The following DYRK1A variants were observed in gnomAD, a reference collection of about 807,000 sequenced individuals.
The protein encoded by DYRK1A is dual specificity tyrosine-phosphorylation-regulated kinase 1A.
DYRK1A carries 9 observed loss-of-function variants against 79.7 expected under a neutral mutation model. The ratio of observed to expected loss-of-function variants is 0.11; its 90% CI spans 0.07 to 0.20. The LOEUF is 0.20. Among genes scored for constraint, DYRK1A ranks in the 10% least tolerant of loss-of-function variants. The probability of loss-of-function intolerance (pLI) is 1.00; values close to 1 mark genes in which losing one functional copy is unlikely to be tolerated. For synonymous variants in DYRK1A, 349 were observed against 329.7 expected (o/e 1.06, Z -0.63); for missense variants, 622 against 956.0 (o/e 0.65, Z 4.61).
chr21:37,467,219 G>T (rs1423451740), intron 2 of DYRK1A, among the ~76,000 whole-genome samples: 1 of 151,970 alleles, frequency 6.6e-6, no homozygotes, highest in Non-Finnish European at 1.5e-5. Flanking sequence ...TGACCAAATC[G>T]CATTCCAGAA....
At chr21:37,417,541 T>TC (rs1276274993) in intron 1 of DYRK1A, among the ~76,000 whole-genome samples, 1 of 57,132 alleles carries the variant, frequency 1.8e-5, no homozygotes, top group East Asian at 4.3e-4. Flanking sequence ...TTTTTTTTTT[T>TC]TTTTTTTTTT....
intron 8 of DYRK1A, among the ~76,000 whole-genome samples, chr21:37,494,821 G>A (rs1030110071): frequency 2.6e-5 from 4 of 151,762 alleles, no homozygotes; most frequent in Admixed American, 2.6e-4. Context: ...GGTGTTGCGT[G>A]CCTGTAATCC....
chr21:37,394,336 T>A (rs1459292655), intron 1 of DYRK1A, among the ~76,000 whole-genome samples: 1 of 152,098 alleles, frequency 6.6e-6, no homozygotes, highest in Non-Finnish European at 1.5e-5. Context: ...TTTCTAACTT[T>A]TGCTATAACT....
rs1569409404 is a variant in DYRK1A, at chr21:37,513,561, ACTTC to A, written c.*1034_*1037del. 6.6e-6 allele frequency: 1 copy of A among 152,624 alleles called. No individual in the cohort carries two copies. Among genetic ancestry groups the A allele is most frequent in the Non-Finnish European group, 1.5e-5 (1 of 68,030 alleles). 9.5% of individuals were successfully genotyped at this position (152,624 alleles called of 1,614,324 possible). Reference sequence around the variant, plus strand: ...TCACTTTGCGTGTGTCATAAAGTTGACTTCCTTATTGGTTGAAGGTCACAGAAGT... The same window carrying A: ...TCACTTTGCGTGTGTCATAAAGTTGACTTATTGGTTGAAGGTCACAGAAGT... On this transcript the variant is annotated 3_prime_UTR_variant, in exon 12 of 12. Coordinates refer to ENST00000647188, the MANE Select transcript of DYRK1A (RefSeq NM_001347721.2).
At chr21:37,390,367 G>A (rs1315712102) in intron 1 of DYRK1A, among the ~76,000 whole-genome samples, 1 of 152,070 alleles carries the variant, frequency 6.6e-6, no homozygotes, top group African/African-American at 2.4e-5. Flanking sequence ...TCCATTATTT[G>A]AAAACTGTAG....
At chr21:37,466,804 A>T (rs572186335) in intron 2 of DYRK1A, among the ~76,000 whole-genome samples, 16 of 151,346 alleles carry the variant, frequency 1.1e-4, no homozygotes, top group African/African-American at 2.7e-4. Context: ...ACCAAAATTT[A>T]AAAAAAAATA....
At position 37,482,791 on chromosome 21, in the gene DYRK1A, T is replaced by C. The variant is rs1009492609; in HGVS notation, c.489+1965T>C. 9.7e-4 allele frequency among the ~76,000 whole-genome samples: 148 copies of C among 152,314 alleles called. 2 individuals carry two copies. Among genetic ancestry groups the C allele is most frequent in the South Asian group, 8.3e-4 (4 of 4,830 alleles). ...ACCCAAGGGGGCCATTTCAGAGACCTACCCTCAGGGGCTCATTCTCTTTCT... is the reference window on the plus strand; with the variant it reads ...ACCCAAGGGGGCCATTTCAGAGACCCACCCTCAGGGGCTCATTCTCTTTCT... On this transcript the variant is annotated intron_variant, in intron 5 of 11. Coordinates refer to ENST00000647188, the MANE Select transcript of DYRK1A (RefSeq NM_001347721.2).
At position 37,515,135 on chromosome 21, in the gene DYRK1A, C is replaced by CA. The variant is rs549353361; in HGVS notation, c.*2605dup. On this transcript the variant is annotated 3_prime_UTR_variant, in exon 12 of 12. Transcript: ENST00000647188. ...AAAGAACCCCCCTTTGTATTATAGT[C>CA]ATGCGGTCTTATGTATGATAAACAG... 1.2e-3 allele frequency: 181 copies of CA among 152,730 alleles called. 2 individuals are homozygous for CA. The highest frequency in any genetic ancestry group is 5.0e-3 in the South Asian group (24 of 4,822). 9.5% of individuals were successfully genotyped at this position (152,730 alleles called of 1,614,324 possible).
chr21:37,435,419 A>G (rs1022451261), intron 2 of DYRK1A, among the ~76,000 whole-genome samples: 12 of 152,138 alleles, frequency 7.9e-5, no homozygotes, highest in Admixed American at 2.6e-4. Context: ...GCGTTTAATG[A>G]TCTGCAGCAG....
At position 37,512,168 on chromosome 21, in the gene DYRK1A, A is replaced by G. The variant is rs769032880; in HGVS notation, c.1902A>G (p.Gln634=). Residue 634 remains glutamine (Q), a synonymous_variant, in exon 12 of 12, where the codon CAA becomes CAG. Transcript: ENST00000647188. ...CTCCAACGAATAGCTCCTCTACCCA[A>G]GATTCTATGGAGGTTGGCCACAGTC... ...YNSPTNSSST[Q]DSMEVGHSHH... 1.9e-6 allele frequency: 3 copies of G among 1,614,184 alleles called. No individual in the cohort carries two copies. The highest frequency in any genetic ancestry group is 1.1e-5 in the South Asian group (1 of 91,080).
At chr21:37,417,529 C>CTTTTTCTTTTTCTTTTTTT (rs1555959239) in intron 1 of DYRK1A, among the ~76,000 whole-genome samples, 1 of 44,072 alleles carries the variant, frequency 2.3e-5, no homozygotes, top group African/African-American at 1.0e-4. Context: ...TTTTCTTTTT[C>CTTTTTCTTTTTCTTTTTTT]TTTTTTTTTT....
Position 37,521,554 on chromosome 21 carries a change from T to G in DYRK1A, c.*9023T>G, listed in dbSNP as rs2053935459. The G allele has an allele frequency of 1.3e-5, 2 of 152,214 alleles. No homozygotes were observed. The highest frequency in any genetic ancestry group is 4.8e-5 in the African/African-American group (2 of 41,452). The allele number at this position is 152,214 out of a possible 1,614,324, so 9.4% of individuals were successfully genotyped here. A position where few individuals can be genotyped will look rare whatever the true frequency, so the allele number is the denominator to read the frequency against. On this transcript the variant is annotated 3_prime_UTR_variant, in exon 12 of 12. Transcript: ENST00000647188. ...ATTTTGTTGTTATAAGTGGGAAAGA[T>G]AAGTAATTACAAGTAAGCCCAGTGT... is the stretch of plus-strand genomic sequence containing the variant.
chr21:37,489,633 TAAA>T (rs58419137), intron 6 of DYRK1A, among the ~76,000 whole-genome samples: 1 of 143,584 alleles, frequency 7.0e-6, no homozygotes, highest in African/African-American at 2.6e-5. Flanking sequence ...GCCTAAAGGG[TAAA>T]AAAAAAAAAG....
In DYRK1A at chr21:37,513,420, T is replaced by C. The variant is rs1220300028; in HGVS notation, c.*889T>C. On this transcript the variant is annotated 3_prime_UTR_variant, in exon 12 of 12. Transcript: ENST00000647188. The stretch of plus-strand genomic sequence containing the variant: ...CCTACCATTTCAGATGCAATCACTT[T>C]TGGACATGCTTTTGCAGACAGTCCT... The C allele has an allele frequency of 2.6e-5, 4 of 152,660 alleles. No individual in the cohort carries two copies. Among genetic ancestry groups the C allele is most frequent in the Non-Finnish European group, 5.9e-5 (4 of 68,040 alleles). 9.5% of individuals were successfully genotyped at this position (152,660 alleles called of 1,614,324 possible).
intron 1 of DYRK1A, among the ~76,000 whole-genome samples, chr21:37,398,216 C>T (rs1602403816): frequency 1.3e-5 from 2 of 151,224 alleles, no homozygotes; most frequent in African/African-American, 4.9e-5. Flanking sequence ...CAGTGGCAGG[C>T]ACCTGTAATC....
At chr21:37,378,646 TTCTTCAATTGAGTGAACATTTGCATGTCC>T (rs1280337621) in intron 1 of DYRK1A, among the ~76,000 whole-genome samples, 1 of 152,046 alleles carries the variant, frequency 6.6e-6, no homozygotes, top group Admixed American at 6.6e-5. Context: ...GCTCTTGTTC[TTCTTCAATTGAGTGAACATTTGCATGTCC>T]TCTGTATGAG....
intron 2 of DYRK1A, among the ~76,000 whole-genome samples, chr21:37,462,830 C>CT (rs1230118269): frequency 6.6e-6 from 1 of 152,154 alleles, no homozygotes. Flanking sequence ...AGAGTGATTT[C>CT]TTTTTTCAGT....
intron 1 of DYRK1A, chr21:37,419,579 GT>G (rs1163668128): frequency 6.6e-6 from 1 of 152,050 alleles, no homozygotes; most frequent in Non-Finnish European, 1.5e-5. Flanking sequence ...AAAACATAAA[GT>G]TTTCACTCAA....
chr21:37,411,084 G>T (rs1049469544), intron 1 of DYRK1A, among the ~76,000 whole-genome samples: 2 of 139,736 alleles, frequency 1.4e-5, no homozygotes, highest in Non-Finnish European at 3.1e-5. Flanking sequence ...AAGCCCAGGC[G>T]TGGTGGCTCA....
Sources: allele counts gnomAD v4.1 joint callset (sites outside exome capture counted in the v4.1 genomes callset), GRCh38; gene constraint gnomAD v4.1.1; transcripts MANE v1.5; gene names NCBI Gene and HGNC (gene_info 2026-07-23, HGNC 2026-07-21).